MLF1: variants seen among roughly 807,000 people sequenced by gnomAD.
MLF1 encodes myeloid leukemia factor 1.
Under a neutral mutation model 38.3 loss-of-function variants are expected in MLF1, and 37 were observed. That is an observed-to-expected ratio of 0.96 (90% CI 0.74 to 1.27). The LOEUF is 1.27. Ranked by LOEUF, MLF1 falls within the 50% of genes most tolerant of loss-of-function variation. The pLI is 0.00. For missense variants in MLF1, 331 were observed against 349.2 expected (o/e 0.95, Z 0.42); for synonymous variants, 95 against 106.5 (o/e 0.89, Z 0.66).
chr3:158,596,987 T>A, intron 4 of MLF1, 42 bp downstream of exon 4: 1 of 1,278,982 alleles, frequency 7.8e-7, no homozygotes, highest in Non-Finnish European at 1.1e-6. Context: ...TGTGTATACT[T>A]TGATATATTC....
chr3:158,603,473 T>G lies in MLF1; in HGVS notation c.746+534T>G, dbSNP rs138358040. 1.1e-4 allele frequency among the ~76,000 whole-genome samples: 17 copies of G among 152,350 alleles called. No homozygotes were observed. The East Asian group carries it at 3.3e-3, about 29-fold the overall frequency. On this transcript the variant is annotated intron_variant, in intron 7 of 7. Coordinates refer to ENST00000466246, the MANE Select transcript of MLF1 (RefSeq NM_001369783.1). ...TTTTGGAAGAATTTTGCAAGAACAT[T>G]AGCTTCTTTTAGAATTCCCTTTTAG... is the stretch of plus-strand genomic sequence containing the variant.
intron 5 of MLF1, among the ~76,000 whole-genome samples, chr3:158,599,234 G>A (rs892504579): frequency 1.3e-5 from 2 of 152,080 alleles, no homozygotes; most frequent in Non-Finnish European, 2.9e-5. Flanking sequence ...GTCTAGGAGT[G>A]GTATTGCTGA....
intron 1 of MLF1, among the ~76,000 whole-genome samples, chr3:158,583,775 A>G (rs1345646232): frequency 6.6e-6 from 1 of 152,198 alleles, no homozygotes; most frequent in African/African-American, 2.4e-5. Context: ...AAAAACTGAC[A>G]TCATGAAAGA....
At chr3:158,588,464 G>T (rs564730137) in intron 1 of MLF1, among the ~76,000 whole-genome samples, 2 of 152,236 alleles carry the variant, frequency 1.3e-5, no homozygotes, top group South Asian at 4.2e-4. Flanking sequence ...AGCTGGGTGT[G>T]GTGGCTGGTG....
intron 1 of MLF1, among the ~76,000 whole-genome samples, chr3:158,590,563 T>G (rs1287084359): frequency 6.6e-6 from 1 of 152,172 alleles, no homozygotes; most frequent in Admixed American, 6.5e-5. Flanking sequence ...GCAATAAAAC[T>G]GAATGAACTG....
At chr3:158,574,940 A>G (rs951479407) in intron 1 of MLF1, among the ~76,000 whole-genome samples, 2 of 152,180 alleles carry the variant, frequency 1.3e-5, no homozygotes, top group Non-Finnish European at 2.9e-5. Context: ...TATATCCTTC[A>G]TTGTTAAGGA....
chr3:158,580,813 G>C (rs949872241), intron 1 of MLF1, among the ~76,000 whole-genome samples: 2 of 145,114 alleles, frequency 1.4e-5, no homozygotes, highest in African/African-American at 5.0e-5. Flanking sequence ...AATTATCCAG[G>C]CATGGTAGTG....
chr3:158,584,745 A>G (rs1286710755), intron 1 of MLF1, among the ~76,000 whole-genome samples: 1 of 151,656 alleles, frequency 6.6e-6, no homozygotes, highest in African/African-American at 2.4e-5. Flanking sequence ...AGAAAGTCTA[A>G]CAGGGATGTC....
At chr3:158,593,305 A>G in intron 2 of MLF1, 77 bp from the exon 3 acceptor site, 3 of 1,146,596 alleles carry the variant, frequency 2.6e-6, no homozygotes, top group African/African-American at 1.6e-5. Flanking sequence ...GAAATTCAGT[A>G]AACATTTAAT....
rs34136180 is a variant in MLF1, at chr3:158,596,893, A to G, written c.272A>G (p.Asp91Gly). Residue 91 changes from aspartate (D) to glycine (G), a missense_variant, in exon 4 of 8, where the codon GAC (aspartate) becomes GGC (glycine). Coordinates refer to ENST00000466246, the MANE Select transcript of MLF1 (RefSeq NM_001369783.1). ...GATGTCAGCTCTTTCCAGACAATGGACCAAATGGTGTCAAATATGAGAAAC... is the reference window on the plus strand; with the variant it reads ...GATGTCAGCTCTTTCCAGACAATGGGCCAAATGGTGTCAAATATGAGAAAC... ...HTDVSSFQTMDQMVSNMRNYM... is the reference protein window; with the variant it reads ...HTDVSSFQTMGQMVSNMRNYM... 59 of 1,610,272 alleles carry G rather than the reference A, an allele frequency of 3.7e-5. No homozygotes were observed. The African/African-American group carries it at 6.5e-4, about 18-fold the overall frequency.
chr3:158,604,686 G>T (rs1658374660), intron 7 of MLF1, among the ~76,000 whole-genome samples: 1 of 152,000 alleles, frequency 6.6e-6, no homozygotes, highest in African/African-American at 2.4e-5. Flanking sequence ...GGGGTACAGA[G>T]TCTGGCTCTG....
chr3:158,599,594 T>C (rs1435097866), intron 5 of MLF1, among the ~76,000 whole-genome samples: 1 of 152,148 alleles, frequency 6.6e-6, no homozygotes, highest in Non-Finnish European at 1.5e-5. Flanking sequence ...GAAATATTCT[T>C]ATAATACTTC....
chr3:158,598,873 A>T (rs2108642705), intron 5 of MLF1, among the ~76,000 whole-genome samples: 1 of 152,194 alleles, frequency 6.6e-6, no homozygotes, highest in East Asian at 1.9e-4. Flanking sequence ...TTCTGTCATT[A>T]AAAAAATGGA....
intron 3 of MLF1, 59 bp downstream of exon 3, chr3:158,593,485 C>T (rs2108622075): frequency 7.3e-7 from 1 of 1,379,086 alleles, no homozygotes; most frequent in Non-Finnish European, 9.9e-7. Context: ...ATTTATTTTT[C>T]ATTAACTCAA....
chr3:158,602,081 G>T (rs1032791829), intron 6 of MLF1, among the ~76,000 whole-genome samples: 1 of 152,032 alleles, frequency 6.6e-6, no homozygotes. Context: ...CTCCCAAAGT[G>T]CCGGGATTAC....
chr3:158,586,158 C>CT (rs918147176), intron 1 of MLF1, among the ~76,000 whole-genome samples: 1 of 136,050 alleles, frequency 7.4e-6, no homozygotes, highest in Non-Finnish European at 1.5e-5. Flanking sequence ...GAGTGAAACT[C>CT]TGTCTCAAAA....
At chr3:158,586,981 C>G (rs987555819) in intron 1 of MLF1, among the ~76,000 whole-genome samples, 2 of 152,190 alleles carry the variant, frequency 1.3e-5, no homozygotes, top group African/African-American at 4.8e-5. Flanking sequence ...TCCCCACTAC[C>G]TGGAACCGTG....
chr3:158,583,982 C>T (rs565862558), intron 1 of MLF1, among the ~76,000 whole-genome samples: 1 of 152,272 alleles, frequency 6.6e-6, no homozygotes, highest in East Asian at 1.9e-4. Context: ...AAACAACTTA[C>T]TGGAAAAGAT....
chr3:158,598,294 A>G, intron 5 of MLF1, 86 bp downstream of exon 5: 1 of 1,157,418 alleles, frequency 8.6e-7, no homozygotes, highest in South Asian at 1.5e-5. Context: ...TTAAAATTTA[A>G]TCTGGTACAA....
Sources: gnomAD v4.1 joint callset for allele counts (sites outside exome capture counted in the v4.1 genomes callset) on GRCh38, gnomAD v4.1.1 for gene constraint, MANE v1.5 for transcripts, NCBI Gene and HGNC (gene_info 2026-07-23, HGNC 2026-07-21) for gene names.